The following DGKB variants were observed in gnomAD, a reference collection of about 807,000 sequenced individuals.
DGKB encodes the protein diacylglycerol kinase beta, also known as 90 kDa diacylglycerol kinase.
A neutral mutation model predicts 114.3 loss-of-function variants in DGKB; 67 were observed. That is an observed-to-expected ratio of 0.59 (90% CI 0.48 to 0.72). The LOEUF (loss-of-function observed/expected upper bound fraction) is 0.72. DGKB is among the 30% of genes least tolerant of loss of function. DGKB has a pLI of 0.00. For missense variants in DGKB, 907 were observed against 975.2 expected (o/e 0.93, Z 0.93); for synonymous variants, 398 against 323.1 (o/e 1.23, Z -2.49).
chr7:14,421,221 T>G (rs1826640945), intron 21 of DGKB, among the ~76,000 whole-genome samples: 1 of 152,098 alleles, frequency 6.6e-6, no homozygotes, highest in African/African-American at 2.4e-5. Context: ...TATTTTCACC[T>G]TAATAAATCT....
chr7:14,469,435 G>T (rs1161648664), intron 21 of DGKB, among the ~76,000 whole-genome samples: 1 of 152,052 alleles, frequency 6.6e-6, no homozygotes, highest in Admixed American at 6.6e-5. Flanking sequence ...AATAAAAAAT[G>T]TGGTGTGAAA....
intron 20 of DGKB, among the ~76,000 whole-genome samples, chr7:14,493,099 C>A (rs1389708358): frequency 1.3e-5 from 2 of 151,930 alleles, no homozygotes; most frequent in African/African-American, 4.8e-5. Flanking sequence ...TCTAATTAGG[C>A]AAGTATATGT....
chr7:14,607,558 T>A (rs200609709), intron 16 of DGKB, 50 bp from the exon 17 acceptor site: 26 of 774,658 alleles, frequency 3.4e-5, no homozygotes, highest in African/African-American at 3.2e-4. Context: ...TCAATACTTT[T>A]AAAATAAGTA....
At chr7:14,178,680 T>C (rs570206704) in intron 23 of DGKB, among the ~76,000 whole-genome samples, 1 of 152,284 alleles carries the variant, frequency 6.6e-6, no homozygotes, top group African/African-American at 2.4e-5. Context: ...TTGTCTGTAG[T>C]AATAGGTAAC....
intron 17 of DGKB, among the ~76,000 whole-genome samples, chr7:14,586,927 G>A (rs549321980): frequency 1.3e-5 from 2 of 151,998 alleles, no homozygotes; most frequent in African/African-American, 4.8e-5. Flanking sequence ...ATATTCTGAT[G>A]GAGATGTGCA....
At chr7:14,579,760 T>C (rs1014384047) in intron 19 of DGKB, among the ~76,000 whole-genome samples, 7 of 152,182 alleles carry the variant, frequency 4.6e-5, no homozygotes, top group Admixed American at 3.9e-4. Flanking sequence ...AACTTTGCCG[T>C]AAATCAGAGT....
intron 20 of DGKB, among the ~76,000 whole-genome samples, chr7:14,567,438 T>G (rs1797702566): frequency 1.7e-5 from 1 of 58,154 alleles, no homozygotes; most frequent in African/African-American, 6.9e-5. Context: ...TATATATAAT[T>G]ATATTATATA....
At chr7:14,247,812 T>C (rs1794698724) in intron 23 of DGKB, among the ~76,000 whole-genome samples, 1 of 151,638 alleles carries the variant, frequency 6.6e-6, no homozygotes. Context: ...CTTTATGCCT[T>C]TGATTATTTC....
chr7:14,661,514 C>G (rs1441758339), intron 13 of DGKB, among the ~76,000 whole-genome samples: 1 of 148,364 alleles, frequency 6.7e-6, no homozygotes, highest in Admixed American at 6.9e-5. Context: ...GATACCATCT[C>G]ACACCAGTTA....
intron 1 of DGKB, among the ~76,000 whole-genome samples, chr7:14,968,551 TTGAG>T (rs1787294129): frequency 6.6e-6 from 1 of 152,186 alleles, no homozygotes; most frequent in Non-Finnish European, 1.5e-5. Context: ...CTTTTTTGCC[TTGAG>T]TAATTTACCT....
At chr7:14,571,550 A>C (rs1416595266) in intron 20 of DGKB, among the ~76,000 whole-genome samples, 1 of 152,186 alleles carries the variant, frequency 6.6e-6, no homozygotes, top group East Asian at 1.9e-4. Context: ...ATAAACTTCT[A>C]TATATTCCTG....
chr7:14,814,980 A>G (rs1843917098), intron 2 of DGKB, among the ~76,000 whole-genome samples: 1 of 152,072 alleles, frequency 6.6e-6, no homozygotes, highest in Non-Finnish European at 1.5e-5. Context: ...TAACCTCCAT[A>G]TTTCTTCTTT....
At chr7:14,925,124 G>A (rs376518692) in intron 1 of DGKB, among the ~76,000 whole-genome samples, 2 of 152,150 alleles carry the variant, frequency 1.3e-5, no homozygotes, top group African/African-American at 4.8e-5. Flanking sequence ...TGATTGCCCA[G>A]TAGTATCTGA....
rs115142835 is a variant in DGKB, at chr7:14,499,985, A to G, written c.1771-21760T>C. Among the ~76,000 whole-genome samples, 391 of 151,960 alleles carry G rather than the reference A, an allele frequency of 2.6e-3. 1 individual carries two copies. The highest frequency in any genetic ancestry group is 9.0e-3 in the African/African-American group (373 of 41,526). ...CCCACAGGTCAACTTCAAATGTTAG[A>G]AATTCAAATAAGTTGAACCAGGACT... On this transcript the variant is annotated intron_variant, in intron 20 of 25. Transcript: ENST00000402815.
intron 1 of DGKB, among the ~76,000 whole-genome samples, chr7:14,914,831 T>C (rs1250777208): frequency 8.3e-6 from 1 of 121,156 alleles, no homozygotes; most frequent in East Asian, 3.5e-4. Flanking sequence ...CAAAAGGAAA[T>C]GCTAGAAATT....
chr7:14,352,855 G>A (rs554164206), intron 21 of DGKB, among the ~76,000 whole-genome samples: 27 of 152,156 alleles, frequency 1.8e-4, no homozygotes, highest in East Asian at 1.5e-3. Context: ...CCCGGGAGGC[G>A]GAGGCTGCAG....
intron 23 of DGKB, among the ~76,000 whole-genome samples, chr7:14,179,723 C>T (rs1446884861): frequency 6.6e-6 from 1 of 152,116 alleles, no homozygotes. Flanking sequence ...AAAGAATATG[C>T]AACCAAGCCA....
In DGKB at chr7:14,453,318, G is replaced by A. The variant is rs1831805830; in HGVS notation, c.1835+24843C>T. Reference sequence around the variant, plus strand: ...ACCACCACAGCCATTTCAAGCATCCGGTTACGTGGTTCTGGTAGATATTGC... The same window carrying A: ...ACCACCACAGCCATTTCAAGCATCCAGTTACGTGGTTCTGGTAGATATTGC... On this transcript the variant is annotated intron_variant, in intron 21 of 25. Transcript: ENST00000402815. 3.9e-5 allele frequency among the ~76,000 whole-genome samples: 6 copies of A among 152,018 alleles called. No individual in the cohort carries two copies. The South Asian group carries it at 8.3e-4, about 21-fold the overall frequency.
chr7:14,480,813 G>T (rs1782875049), intron 20 of DGKB, among the ~76,000 whole-genome samples: 1 of 151,994 alleles, frequency 6.6e-6, no homozygotes, highest in Admixed American at 6.6e-5. Flanking sequence ...GTACCTTGGT[G>T]GAGATTTAAT....
Sources: gnomAD v4.1 joint callset for allele counts (sites outside exome capture counted in the v4.1 genomes callset) on GRCh38, gnomAD v4.1.1 for gene constraint, MANE v1.5 for transcripts, NCBI Gene and HGNC (gene_info 2026-07-23, HGNC 2026-07-21) for gene names.